Variants in POP1 observed in about 807,000 individuals in gnomAD.
The protein encoded by POP1 is POP1 ribonuclease P/MRP subunit, also known as ribonucleases P/MRP protein subunit POP1.
Under a neutral mutation model 102.2 loss-of-function variants are expected in POP1, and 75 were observed. The ratio of observed to expected loss-of-function variants is 0.73; its 90% confidence interval spans 0.61 to 0.89. The LOEUF is 0.89. Ranked by LOEUF, POP1 falls within the 40% of genes least tolerant of loss-of-function variation. POP1 has a pLI of 0.00. For synonymous variants in POP1, 436 were observed against 464.1 expected, an observed-to-expected ratio of 0.94 and a Z score of 0.78; for missense variants, 1,116 against 1,267.4, an observed-to-expected ratio of 0.88 and a Z score of 1.81.
chr8:98,137,960 A>G (rs1460072279), intron 9 of POP1, among the ~76,000 whole-genome samples: 2 of 152,200 alleles, frequency 1.3e-5, no homozygotes, highest in Admixed American at 1.3e-4. Context: ...GTCAAATACG[A>G]TGATAGAGCT....
intron 4 of POP1, 60 bp from the exon 5 acceptor site, chr8:98,129,918 C>T (rs536958142): frequency 1.1e-4 from 175 of 1,579,340 alleles, no homozygotes; most frequent in Middle Eastern, 1.7e-4. Flanking sequence ...CATTCCTGAC[C>T]GTTAACTCTG....
rs1166660250 is a variant in POP1 at position 98,159,462 on chromosome 8, C to T, written c.*1191C>T. 6.6e-6 allele frequency: 1 copy of T among 152,182 alleles called. No individual in the cohort carries two copies. Among genetic ancestry groups the T allele is most frequent in the Non-Finnish European group, 1.5e-5 (1 of 68,036 alleles). 9.4% of individuals were successfully genotyped at this position (152,182 alleles called of 1,614,324 possible). ...TCCAACTATGGAGAAACTCAGTGCT[C>T]ATCTACTTTAAGTTTCCACATATGG... On this transcript the variant is annotated 3_prime_UTR_variant, in exon 16 of 16. Coordinates refer to ENST00000401707, the MANE Select transcript of POP1 (RefSeq NM_001145860.2).
rs897038588 is a variant in POP1 at position 98,117,331 on chromosome 8, G to T, written c.-62G>T. ...CGCGCTCTCCAGGAGCTTTGGCTCG[G>T]TGGGTACTGTCGCGGAGGCTTGTCA... On this transcript the variant is annotated 5_prime_UTR_variant, in exon 1 of 16. Transcript: ENST00000401707. 5.3e-6 allele frequency: 3 copies of T among 562,632 alleles called. No individual in the cohort carries two copies. The highest frequency in any genetic ancestry group is 9.5e-6 in the Non-Finnish European group (3 of 314,362). The allele number at this position is 562,632 out of a possible 1,614,324, so 34.9% of individuals were successfully genotyped here. A position where few individuals can be genotyped will look rare whatever the true frequency, so the allele number is the denominator to read the frequency against.
intron 1 of POP1, among the ~76,000 whole-genome samples, chr8:98,118,323 T>C (rs1199989738): frequency 6.6e-6 from 1 of 152,230 alleles, no homozygotes; most frequent in African/African-American, 2.4e-5. Flanking sequence ...TTCTTCCTTA[T>C]CTGTGCAAAT....
rs763173714 is a variant in POP1 at position 98,158,219 on chromosome 8, G to C, written c.3023G>C (p.Arg1008Thr). ...PAAQRGLVLL[R>T]PPASLQYRFA... ...GCGCAGAGGGGCTTAGTGCTACTGA[G>C]GCCTCCCGCCTCTCTGCAGTATCGA... The change falls in exon 16 of 16, where the codon AGG (arginine) becomes ACG (threonine). Residue 1008 changes from arginine to threonine, a missense_variant. By Grantham distance (71) the Arg-to-Thr change is moderately conservative (BLOSUM62 -1). Transcript: ENST00000401707. 21 of 1,611,558 alleles carry C rather than the reference G, an allele frequency of 1.3e-5. No homozygotes were observed. Among genetic ancestry groups the C allele is most frequent in the Non-Finnish European group, 1.8e-5 (21 of 1,180,018 alleles).
chr8:98,137,070 C>G, intron 9 of POP1, 116 bp downstream of exon 9: 1 of 889,622 alleles, frequency 1.1e-6, no homozygotes, highest in Non-Finnish European at 1.8e-6. Flanking sequence ...ATGTTTATTT[C>G]CCTACTTATT....
At position 98,158,304 on chromosome 8, in the gene POP1, A is replaced by G. The variant is rs1166984061; in HGVS notation, c.*33A>G. ...CTTGTATCCCAGCAGGGCATAGATA[A>G]TACGTTATTATTGTCTGCCAAGTTC... On this transcript the variant is annotated 3_prime_UTR_variant, in exon 16 of 16. Transcript: ENST00000401707. 1 of 1,599,396 alleles carries G rather than the reference A, an allele frequency of 6.3e-7. No individual in the cohort carries two copies. Among genetic ancestry groups the G allele is most frequent in the African/African-American group, 1.3e-5 (1 of 74,884 alleles).
rs768943260 is a variant in POP1, at chr8:98,136,861, C to T, written c.1269C>T (p.Ser423=). ...TTTTAAGATGTTCTTTCTTTTTCAG[C>T]GATTTGACGATGGAGATGAACAGAT... is the stretch of plus-strand genomic sequence containing the variant. ...WISPTTGIII[S]DLTMEMNRFR... The change falls in exon 9 of 16, where the codon AGC becomes AGT. Residue 423 remains serine, a splice_region_variant and synonymous_variant. Transcript: ENST00000401707. 18 of 1,613,138 alleles carry T rather than the reference C, an allele frequency of 1.1e-5. No homozygotes were observed. The highest frequency in any genetic ancestry group is 1.1e-4 in the East Asian group (5 of 44,890).
Position 98,159,339 on chromosome 8 carries a change from A to G in POP1, c.*1068A>G, listed in dbSNP as rs931221908. 3 of 152,064 alleles carry G rather than the reference A, an allele frequency of 2.0e-5. No homozygotes were observed. The highest frequency in any genetic ancestry group is 4.8e-5 in the African/African-American group (2 of 41,384). The allele number at this position is 152,064 out of a possible 1,614,324, so 9.4% of individuals were successfully genotyped here. On this transcript the variant is annotated 3_prime_UTR_variant, in exon 16 of 16. Coordinates refer to ENST00000401707, the MANE Select transcript of POP1 (RefSeq NM_001145860.2). ...CTAAGCCGGCAAGCTGCCTTTCAAC[A>G]CTCATGCAGTCACGTTGTCCACCTG...
intron 14 of POP1, 72 bp downstream of exon 14, chr8:98,150,711 A>C: frequency 7.0e-7 from 1 of 1,431,020 alleles, no homozygotes; most frequent in East Asian, 2.3e-5. Flanking sequence ...TTGGTATCCC[A>C]AACATTAGGA....
At chr8:98,125,933 C>T (rs1816190379) in intron 2 of POP1, among the ~76,000 whole-genome samples, 1 of 152,144 alleles carries the variant, frequency 6.6e-6, no homozygotes, top group Non-Finnish European at 1.5e-5. Context: ...TCAACCTTGA[C>T]CTCCTGGGCT....
chr8:98,139,037 G>C (rs1816632442), intron 9 of POP1, among the ~76,000 whole-genome samples: 1 of 151,858 alleles, frequency 6.6e-6, no homozygotes. Flanking sequence ...TGTATTTTTA[G>C]TAGCGGTTTC....
rs1350848135 is a variant in POP1, at chr8:98,150,528, T to C, written c.1946T>C (p.Val649Ala). The C allele has an allele frequency of 6.2e-7, 1 of 1,614,012 alleles. No individual in the cohort carries two copies. The part of the protein sequence containing the change: ...VRVGGLKESA[V>A]HSQYKRSPNV... ...GTCGGAGGGTTGAAAGAGTCTGCAG[T>C]GCATTCTCAGTATAAGAGGTCGCCT... Residue 649 changes from valine to alanine, a missense_variant, in exon 14 of 16, where the codon GTG becomes GCG. Physicochemically the swap from Val to Ala is moderately conservative, Grantham distance 64 (BLOSUM62 0). Transcript: ENST00000401707.
intron 1 of POP1, among the ~76,000 whole-genome samples, chr8:98,119,482 G>T (rs181066108): frequency 5.8e-4 from 88 of 152,270 alleles, no homozygotes; most frequent in Admixed American, 3.8e-3. Context: ...TGAAGATTTG[G>T]CGAAAATATT....
chr8:98,156,083 G>A lies in POP1; in HGVS notation c.2091G>A (p.Lys697=), dbSNP rs200715007. ...CTGCAAAACGGCCCAACTACGTTAA[G>A]CTTGGCACTCTGGCACCTTTCTGCT... is the stretch of plus-strand genomic sequence containing the variant. ...RPPAKRPNYV[K]LGTLAPFCCP... The change falls in exon 15 of 16, where the codon AAG becomes AAA. Residue 697 remains lysine, a synonymous_variant. Transcript: ENST00000401707. 87 of 1,614,032 alleles carry A rather than the reference G, an allele frequency of 5.4e-5. No homozygotes were observed. In the Admixed American group the frequency reaches 1.4e-3, roughly 27 times the overall value.
intron 4 of POP1, 106 bp downstream of exon 4, chr8:98,128,646 TG>T (rs1175163468): frequency 7.6e-7 from 1 of 1,318,168 alleles, no homozygotes; most frequent in Non-Finnish European, 1.1e-6. Context: ...AGGCTGGGCA[TG>T]GTGGCTCACG....
rs1809736164 is a variant in POP1, at chr8:98,159,200, A to C, written c.*929A>C. ...TGATAGTGTATAGTATTTTCTAAAT[A>C]CTTGTGATTCCTAAAGTTCTCTTAC... On this transcript the variant is annotated 3_prime_UTR_variant, in exon 16 of 16. Coordinates refer to ENST00000401707, the MANE Select transcript of POP1 (RefSeq NM_001145860.2). 6.6e-6 allele frequency: 1 copy of C among 152,206 alleles called. No homozygotes were observed. The highest frequency in any genetic ancestry group is 1.5e-5 in the Non-Finnish European group (1 of 68,050). The allele number at this position is 152,206 out of a possible 1,614,324, so 9.4% of individuals were successfully genotyped here.
At chr8:98,118,257 C>T (rs550498171) in intron 1 of POP1, among the ~76,000 whole-genome samples, 13 of 152,292 alleles carry the variant, frequency 8.5e-5, no homozygotes, top group Admixed American at 3.3e-4. Context: ...TTGTCATCTA[C>T]TCCCTTTTCC....
At chr8:98,145,516 A>G (rs151016957) in intron 11 of POP1, among the ~76,000 whole-genome samples, 37 of 152,300 alleles carry the variant, frequency 2.4e-4, no homozygotes, top group African/African-American at 8.4e-4. Context: ...TTTGTCACTG[A>G]TAAAGTTTGT....
Sources: allele counts gnomAD v4.1 joint callset (sites outside exome capture counted in the v4.1 genomes callset), GRCh38; gene constraint gnomAD v4.1.1; transcripts MANE v1.5; gene names NCBI Gene and HGNC (gene_info 2026-07-23, HGNC 2026-07-21).